RXFP2: variants seen among roughly 807,000 people sequenced by gnomAD.
The protein encoded by RXFP2 is relaxin family peptide receptor 2.
RXFP2 carries 68 observed loss-of-function variants against 88.6 expected under a neutral mutation model. That is an observed-to-expected ratio of 0.77 (90% confidence interval 0.63 to 0.94). RXFP2 has a LOEUF of 0.94. Ranked by LOEUF, RXFP2 falls within the 40% of genes least tolerant of loss-of-function variation. The pLI, the probability that RXFP2 is intolerant of heterozygous loss-of-function variation, is 0.00. For missense variants in RXFP2, 791 were observed against 893.9 expected (o/e 0.88, Z 1.47); for synonymous variants, 329 against 306.8 (o/e 1.07, Z -0.76).
chr13:31,744,280 C>G (rs61954089), intron 1 of RXFP2, among the ~76,000 whole-genome samples: 30,186 of 152,156 alleles, frequency 0.2, 3,234 homozygotes, highest in South Asian at 0.39. Flanking sequence ...AGTTGATCAC[C>G]TTTGCCTACA....
chr13:31,754,694 T>C (rs1871849434), intron 1 of RXFP2, among the ~76,000 whole-genome samples: 2 of 152,224 alleles, frequency 1.3e-5, no homozygotes, highest in Admixed American at 1.3e-4. Flanking sequence ...TAAGAAAATA[T>C]TGTTAGGAGA....
intron 16 of RXFP2, among the ~76,000 whole-genome samples, chr13:31,793,762 G>T (rs1873902428): frequency 6.6e-6 from 1 of 152,006 alleles, no homozygotes; most frequent in East Asian, 1.9e-4. Context: ...TCTCTTTGGG[G>T]CGATCTTCTT....
At chr13:31,764,678 G>T (rs544389346) in intron 3 of RXFP2, among the ~76,000 whole-genome samples, 1 of 150,428 alleles carries the variant, frequency 6.6e-6, no homozygotes, top group South Asian at 2.1e-4. Flanking sequence ...CTATTCAAAT[G>T]AATTGACTCA....
In RXFP2 at chr13:31,789,536, G is replaced by A. The variant is rs137980132; in HGVS notation, c.1145+343G>A. On this transcript the variant is annotated intron_variant, in intron 14 of 17. Transcript: ENST00000298386. ...ATTCACCTCTCATGAATGAGCAGTC[G>A]GCTGCTCTAAGATTTGAGCCCTTAG... Among the ~76,000 whole-genome samples, 286 of 152,254 alleles carry A rather than the reference G, an allele frequency of 1.9e-3. 1 individual carries two copies. The highest frequency in any genetic ancestry group is 6.4e-3 in the African/African-American group (264 of 41,550).
chr13:31,758,651 A>G (rs1255512406), intron 2 of RXFP2, among the ~76,000 whole-genome samples: 1 of 152,242 alleles, frequency 6.6e-6, no homozygotes, highest in African/African-American at 2.4e-5. Flanking sequence ...ATAAAATTAT[A>G]TTTGAAAATC....
At chr13:31,744,635 C>G (rs921514040) in intron 1 of RXFP2, among the ~76,000 whole-genome samples, 2 of 151,932 alleles carry the variant, frequency 1.3e-5, no homozygotes, top group Non-Finnish European at 2.9e-5. Context: ...TAGAATGTGT[C>G]TGATGAAGGA....
At chr13:31,760,897 T>G (rs552252646) in intron 2 of RXFP2, among the ~76,000 whole-genome samples, 1 of 152,214 alleles carries the variant, frequency 6.6e-6, no homozygotes, top group South Asian at 2.1e-4. Flanking sequence ...CATTTACATA[T>G]GACAAATTGA....
chr13:31,788,997 A>G, intron 13 of RXFP2, 125 bp from the exon 14 acceptor site: 2 of 715,668 alleles, frequency 2.8e-6, no homozygotes, highest in South Asian at 1.5e-5. Flanking sequence ...GTACTGTAAA[A>G]CTTTCATTCT....
At chr13:31,747,342 G>A (rs1001812021) in intron 1 of RXFP2, among the ~76,000 whole-genome samples, 2 of 152,008 alleles carry the variant, frequency 1.3e-5, no homozygotes, top group African/African-American at 4.8e-5. Context: ...AAAAACAGAA[G>A]ATGTTGCCAA....
At chr13:31,777,022 A>G (rs970396035) in intron 7 of RXFP2, among the ~76,000 whole-genome samples, 5 of 152,278 alleles carry the variant, frequency 3.3e-5, no homozygotes, top group African/African-American at 2.4e-5. Flanking sequence ...AGCTCAGCCA[A>G]TTAGTAGGTT....
At chr13:31,749,320 C>T (rs1290869507) in intron 1 of RXFP2, among the ~76,000 whole-genome samples, 3 of 152,194 alleles carry the variant, frequency 2.0e-5, no homozygotes, top group Non-Finnish European at 2.9e-5. Flanking sequence ...ACCAACATCA[C>T]ACTGCCTGAA....
At chr13:31,792,468 A>G (rs1243222517) in intron 15 of RXFP2, among the ~76,000 whole-genome samples, 1 of 152,228 alleles carries the variant, frequency 6.6e-6, no homozygotes, top group Non-Finnish European at 1.5e-5. Flanking sequence ...AAACTACAAA[A>G]TAAAAACATA....
intron 1 of RXFP2, among the ~76,000 whole-genome samples, chr13:31,752,470 A>T (rs1028603717): frequency 6.6e-6 from 1 of 152,116 alleles, no homozygotes; most frequent in African/African-American, 2.4e-5. Context: ...TCTGAATATA[A>T]CGATTGATGT....
At chr13:31,789,801 T>C (rs1260962556) in intron 14 of RXFP2, among the ~76,000 whole-genome samples, 2 of 152,244 alleles carry the variant, frequency 1.3e-5, no homozygotes, top group African/African-American at 4.8e-5. Context: ...GAGAATTCAA[T>C]GTAAGATTAC....
intron 15 of RXFP2, 66 bp downstream of exon 15, chr13:31,792,101 A>G (rs577423946): frequency 1.7e-6 from 2 of 1,156,902 alleles, no homozygotes; most frequent in African/African-American, 3.1e-5. Context: ...AGACATATAT[A>G]TGTATTTATT....
chr13:31,779,965 T>C (rs1873189037), intron 9 of RXFP2, among the ~76,000 whole-genome samples: 1 of 152,090 alleles, frequency 6.6e-6, no homozygotes, highest in African/African-American at 2.4e-5. Flanking sequence ...AGAATAAGAA[T>C]AGGTGAAAAG....
Position 31,797,250 on chromosome 13 carries a change from G to A in RXFP2, c.1836G>A (p.Met612Ile), listed in dbSNP as rs370444696. 1.9e-6 allele frequency: 3 copies of A among 1,613,870 alleles called. No homozygotes were observed. The highest frequency in any genetic ancestry group is 1.7e-6 in the Non-Finnish European group (2 of 1,179,908). ...FLIIVFSYITMFCSIQKTALQ... is the reference protein window; with the variant it reads ...FLIIVFSYITIFCSIQKTALQ... The stretch of plus-strand genomic sequence containing the variant: ...TCATTGTGTTTTCCTATATTACTAT[G>A]TTCTGTTCCATTCAAAAAACCGCCT... Residue 612 changes from methionine (M) to isoleucine (I), a missense_variant, in exon 17 of 18, where the codon ATG becomes ATA. Met to Ile is a conservative substitution (Grantham distance 10). Coordinates refer to ENST00000298386, the MANE Select transcript of RXFP2 (RefSeq NM_130806.5).
Position 31,786,603 on chromosome 13 carries a change from A to AG in RXFP2, c.1039_1040insG (p.Asn347ArgfsTer4). ...CAATCCTCTTATGTATCTTCACAAG[A>AG]ACCAGTTTGAAAGTCTTAAACAACT... On this transcript the variant is annotated frameshift_variant, in exon 13 of 18. Transcript: ENST00000298386. LOFTEE classifies it high-confidence loss of function. The AG allele has an allele frequency of 6.2e-7, 1 of 1,606,474 alleles. No individual in the cohort carries two copies. Among genetic ancestry groups the AG allele is most frequent in the Non-Finnish European group, 8.5e-7 (1 of 1,173,488 alleles).
At position 31,782,811 on chromosome 13, in the gene RXFP2, T is replaced by C. The variant is rs558094426; in HGVS notation, c.929+64T>C. On this transcript the variant is annotated intron_variant, in intron 11 of 17. Coordinates refer to ENST00000298386, the MANE Select transcript of RXFP2 (RefSeq NM_130806.5). Reference sequence around the variant, plus strand: ...TTCCGAGATTATAAATTTAAATGACTAGTGAGACTGCTTTGCCACTAGTAG... The same window carrying C: ...TTCCGAGATTATAAATTTAAATGACCAGTGAGACTGCTTTGCCACTAGTAG... 61 of 1,041,378 alleles carry C rather than the reference T, an allele frequency of 5.9e-5. No homozygotes were observed. The South Asian group carries it at 6.9e-4, about 12-fold the overall frequency. 64.5% of individuals were successfully genotyped at this position (1,041,378 alleles called of 1,614,324 possible). A position where few individuals can be genotyped will look rare whatever the true frequency, so the allele number is the denominator to read the frequency against.
Sources: allele counts gnomAD v4.1 joint callset (sites outside exome capture counted in the v4.1 genomes callset), GRCh38; gene constraint gnomAD v4.1.1; transcripts MANE v1.5; gene names NCBI Gene and HGNC (gene_info 2026-07-23, HGNC 2026-07-21).